The following MYH15 variants were observed in gnomAD, a reference collection of about 807,000 sequenced individuals.
The protein encoded by MYH15 is myosin-15.
Under a neutral mutation model 240.5 loss-of-function variants are expected in MYH15, and 227 were observed. The observed-to-expected ratio is 0.94, with a 90% CI of 0.85 to 1.05. The LOEUF (loss-of-function observed/expected upper bound fraction) is 1.05, where lower values mean the gene tolerates loss of function less well. Among genes scored for constraint, MYH15 ranks in the 50% least tolerant of loss-of-function variants. The pLI is 0.00. For synonymous variants in MYH15, 785 were observed against 796.7 expected (o/e 0.99, Z 0.25); for missense variants, 2,217 against 2,247.5 (o/e 0.99, Z 0.27).
intron 35 of MYH15, among the ~76,000 whole-genome samples, chr3:108,394,859 A>G (rs1456748637): frequency 6.6e-6 from 1 of 152,232 alleles, no homozygotes; most frequent in Non-Finnish European, 1.5e-5. Flanking sequence ...CGCAGTGTAT[A>G]TAAAAGGCAT....
In MYH15 at chr3:108,428,894, A is replaced by G. The variant is rs1455444663; in HGVS notation, c.3313-13T>C. The G allele has an allele frequency of 6.3e-7, 1 of 1,582,352 alleles. No individual in the cohort carries two copies. The highest frequency in any genetic ancestry group is 1.4e-5 in the African/African-American group (1 of 72,828). On this transcript the variant is annotated splice_polypyrimidine_tract_variant and intron_variant, in intron 26 of 40. Coordinates refer to ENST00000693548, the MANE Select transcript of MYH15 (RefSeq NM_014981.3). ...CCTTTATTTGAGTCTGTAGCAAGAA[A>G]TAATTTTGACTTTTACTAAGCACTT... is the stretch of plus-strand genomic sequence containing the variant.
At chr3:108,475,565 C>T (rs1354583446) in intron 12 of MYH15, among the ~76,000 whole-genome samples, 4 of 152,156 alleles carry the variant, frequency 2.6e-5, no homozygotes, top group African/African-American at 7.2e-5. Context: ...TCTCCTTGTG[C>T]AGTCACTTGG....
chr3:108,499,585 A>C, intron 4 of MYH15, 103 bp from the exon 5 acceptor site: 1 of 1,104,244 alleles, frequency 9.1e-7, no homozygotes, highest in Non-Finnish European at 1.4e-6. Flanking sequence ...AATCAGACAC[A>C]AGGGAAAGGA....
At chr3:108,410,479 A>G in intron 31 of MYH15, 104 bp downstream of exon 31, 1 of 749,930 alleles carries the variant, frequency 1.3e-6, no homozygotes, top group Non-Finnish European at 2.0e-6. Flanking sequence ...TGAAAAGTTA[A>G]AACATGTTGG....
the MYH15 span, chr3:108,550,799 A>G: frequency 6.5e-6 from 1 of 154,018 alleles, no homozygotes; most frequent in Admixed American, 6.5e-5. Flanking sequence ...TAAGATCTAA[A>G]TAATCACAAA....
chr3:108,473,156 C>A (rs1241081921), intron 12 of MYH15, among the ~76,000 whole-genome samples: 1 of 152,140 alleles, frequency 6.6e-6, no homozygotes, highest in African/African-American at 2.4e-5. Flanking sequence ...TACAAGCACA[C>A]ACCACAATGC....
chr3:108,411,699 A>G (rs529724637), intron 30 of MYH15, among the ~76,000 whole-genome samples: 1 of 152,356 alleles, frequency 6.6e-6, no homozygotes, highest in South Asian at 2.1e-4. Flanking sequence ...TGGCAGTCCC[A>G]TTCTTACTCA....
At chr3:108,441,544 G>C (rs2082885367) in intron 22 of MYH15, among the ~76,000 whole-genome samples, 1 of 152,142 alleles carries the variant, frequency 6.6e-6, no homozygotes, top group Non-Finnish European at 1.5e-5. Context: ...GCCTAAAGGA[G>C]CTAGCATGCC....
chr3:108,415,649 G>A (rs538172696), intron 29 of MYH15, among the ~76,000 whole-genome samples: 4 of 152,086 alleles, frequency 2.6e-5, no homozygotes, highest in Non-Finnish European at 4.4e-5. Flanking sequence ...AGATAAACAC[G>A]ATCTAGAATG....
At position 108,498,222 on chromosome 3, in the gene MYH15, A is replaced by G. The variant is rs545200682; in HGVS notation, c.525-77T>C. On this transcript the variant is annotated intron_variant, in intron 5 of 40. Coordinates refer to ENST00000693548, the MANE Select transcript of MYH15 (RefSeq NM_014981.3). ...ACGAAAGTTAGGTAATTTTGATTAT[A>G]TAGGCTATGGCAAGCAGGGAAGCTT... The G allele has an allele frequency of 5.2e-5, 66 of 1,272,288 alleles. No individual in the cohort carries two copies. In the East Asian group the frequency reaches 1.5e-3, roughly 29 times the overall value. 78.8% of individuals were successfully genotyped at this position (1,272,288 alleles called of 1,614,324 possible).
In MYH15 at chr3:108,499,215, A is replaced by G. The variant is rs77738606; in HGVS notation, c.524+240T>C. Among the ~76,000 whole-genome samples, 11 of 152,202 alleles carry G rather than the reference A, an allele frequency of 7.2e-5. No individual in the cohort carries two copies. In the East Asian group the frequency reaches 2.1e-3, roughly 29 times the overall value. Reference sequence around the variant, plus strand: ...GGTAATTAAGACCAGCTTGTGCACTATTTCTAAAGGATCTCTGAAAATGAG... The same window carrying G: ...GGTAATTAAGACCAGCTTGTGCACTGTTTCTAAAGGATCTCTGAAAATGAG... On this transcript the variant is annotated intron_variant, in intron 5 of 40. Coordinates refer to ENST00000693548, the MANE Select transcript of MYH15 (RefSeq NM_014981.3).
At chr3:108,497,129 C>A (rs2083397347) in intron 6 of MYH15, among the ~76,000 whole-genome samples, 1 of 121,532 alleles carries the variant, frequency 8.2e-6, no homozygotes, top group Non-Finnish European at 1.6e-5. Flanking sequence ...CCACTGCAGT[C>A]CGGCCTGGGC....
chr3:108,532,620 C>T (rs1212751246), upstream of MYH15, among the ~76,000 whole-genome samples: 5 of 152,302 alleles, frequency 3.3e-5, no homozygotes, highest in Middle Eastern at 3.4e-3. Flanking sequence ...AAATCTCTCA[C>T]TCTTGCTCTC....
chr3:108,462,776 T>C (rs2083081975), intron 16 of MYH15, among the ~76,000 whole-genome samples: 1 of 152,066 alleles, frequency 6.6e-6, no homozygotes, highest in African/African-American at 2.4e-5. Flanking sequence ...GCAATAACTA[T>C]AATTATATAT....
upstream of MYH15, among the ~76,000 whole-genome samples, chr3:108,534,073 C>T (rs1462835170): frequency 6.6e-6 from 1 of 152,180 alleles, no homozygotes; most frequent in African/African-American, 2.4e-5. Flanking sequence ...ATTCATGGGT[C>T]ACTACCAGGC....
intron 34 of MYH15, 94 bp from the exon 35 acceptor site, chr3:108,398,934 C>T: frequency 1.5e-5 from 22 of 1,447,500 alleles, no homozygotes; most frequent in South Asian, 3.5e-5. Flanking sequence ...TATATTTAGA[C>T]ATAAGCATGC....
intron 30 of MYH15, among the ~76,000 whole-genome samples, chr3:108,411,739 G>A (rs1215977754): frequency 2.0e-5 from 3 of 152,170 alleles, no homozygotes; most frequent in East Asian, 3.8e-4. Context: ...GAAAAGTACT[G>A]TATGTACCAA....
intron 37 of MYH15, among the ~76,000 whole-genome samples, chr3:108,390,377 G>A (rs9819069): frequency 0.013 from 1,967 of 152,078 alleles, 25 homozygotes; most frequent in African/African-American, 0.045. Flanking sequence ...ACTGGTTCTA[G>A]GCCATAATAG....
rs1226269302 is a variant in MYH15, at chr3:108,486,503, G to C, written c.895C>G (p.Pro299Ala). The change falls in exon 10 of 41, where the codon CCC becomes GCC. Residue 299 changes from proline (P) to alanine (A), a missense_variant. By Grantham distance (27) the Pro-to-Ala change is conservative. Coordinates refer to ENST00000693548, the MANE Select transcript of MYH15 (RefSeq NM_014981.3). ...LHDLLLVSAN[P>A]SDFHFCSCGA... is the part of the protein sequence containing the mutation. The stretch of plus-strand genomic sequence containing the variant: ...CAGGAGCAAAAGTGGAAGTCTGAGG[G>C]ATTTGCAGATACCAGGAGCAGGTCT... The C allele has an allele frequency of 9.9e-6, 16 of 1,611,350 alleles. No individual in the cohort carries two copies. The highest frequency in any genetic ancestry group is 1.3e-5 in the Non-Finnish European group (15 of 1,178,120).
Sources: gnomAD v4.1 joint callset for allele counts (sites outside exome capture counted in the v4.1 genomes callset) on GRCh38, gnomAD v4.1.1 for gene constraint, MANE v1.5 for transcripts, NCBI Gene and HGNC (gene_info 2026-07-23, HGNC 2026-07-21) for gene names.